AAK1: variants seen among roughly 807,000 people sequenced by gnomAD.
AAK1 encodes AP2 associated kinase 1.
Under a neutral mutation model 116.0 loss-of-function variants are expected in AAK1, and 37 were observed. The ratio of observed to expected loss-of-function variants is 0.32; its 90% confidence interval spans 0.25 to 0.42. AAK1 has a LOEUF of 0.42. Among genes scored for constraint, AAK1 ranks in the 10% least tolerant of loss-of-function variants. The pLI is 1.00. For synonymous variants in AAK1, 458 were observed against 439.9 expected (o/e 1.04, Z -0.51); for missense variants, 919 against 1,170.6 (o/e 0.79, Z 3.14).
intron 14 of AAK1, among the ~76,000 whole-genome samples, chr2:69,508,833 G>A (rs545234329): frequency 1.3e-5 from 2 of 152,176 alleles, no homozygotes; most frequent in Non-Finnish European, 2.9e-5. Context: ...AACACAACAG[G>A]CCCTGCTATG....
intron 2 of AAK1, among the ~76,000 whole-genome samples, chr2:69,613,093 G>A (rs921982058): frequency 3.3e-5 from 5 of 152,188 alleles, no homozygotes; most frequent in Non-Finnish European, 2.9e-5. Flanking sequence ...CTTTAAGACA[G>A]GCATCTTGTC....
In AAK1 at chr2:69,466,734, C is replaced by T; in HGVS notation, c.*9135G>A. 1 of 985,338 alleles carries T rather than the reference C, an allele frequency of 1.0e-6. No homozygotes were observed. The highest frequency in any genetic ancestry group is 1.2e-6 in the Non-Finnish European group (1 of 829,914). 61.0% of individuals were successfully genotyped at this position (985,338 alleles called of 1,614,324 possible). A position where few individuals can be genotyped will look rare whatever the true frequency, so the allele number is the denominator to read the frequency against. ...GCACACAAACTGGAACACAATCAACCACTGTCTCACGTTTTGGAACATGAT... is the reference window on the plus strand; with the variant it reads ...GCACACAAACTGGAACACAATCAACTACTGTCTCACGTTTTGGAACATGAT... On this transcript the variant is annotated 3_prime_UTR_variant, in exon 22 of 22. Transcript: ENST00000409085.
At chr2:69,527,139 C>T (rs1286475754) in intron 9 of AAK1, 77 bp downstream of exon 9, 2 of 1,035,988 alleles carry the variant, frequency 1.9e-6, no homozygotes, top group Admixed American at 2.0e-5. Flanking sequence ...TTCATTTAAA[C>T]AGCTGATTAA....
intron 21 of AAK1, 123 bp from the exon 22 acceptor site, chr2:69,476,086 C>G (rs901565041): frequency 1.4e-6 from 2 of 1,463,406 alleles, no homozygotes; most frequent in East Asian, 5.0e-5. Context: ...ACCAAAAAAA[C>G]CAAACCCTAG....
At chr2:69,538,644 G>A (rs1294939119) in intron 5 of AAK1, among the ~76,000 whole-genome samples, 1 of 152,224 alleles carries the variant, frequency 6.6e-6, no homozygotes, top group Non-Finnish European at 1.5e-5. Flanking sequence ...CACTTTGGGA[G>A]GCCAAGGCAG....
At chr2:69,623,271 G>C (rs1268115181) in intron 2 of AAK1, among the ~76,000 whole-genome samples, 3 of 152,096 alleles carry the variant, frequency 2.0e-5, no homozygotes, top group Non-Finnish European at 2.9e-5. Context: ...TCACTGCGAG[G>C]GTCCGCGGCT....
intron 3 of AAK1, among the ~76,000 whole-genome samples, chr2:69,551,275 T>C (rs1458908745): frequency 1.3e-5 from 2 of 152,080 alleles, no homozygotes; most frequent in African/African-American, 2.4e-5. Context: ...TCAGGAAGAA[T>C]AGCTAATGGA....
rs1193534312 is a variant in AAK1, at chr2:69,463,552, C to T, written c.*12317G>A. ...TTTATTTTTTAGACTCGCTCTGTCG[C>T]CCAGGCCAGAGTGCAGTGGCGCAAT... On this transcript the variant is annotated 3_prime_UTR_variant, in exon 22 of 22. Transcript: ENST00000409085. 1.3e-5 allele frequency: 2 copies of T among 152,166 alleles called. No individual in the cohort carries two copies. The highest frequency in any genetic ancestry group is 1.3e-4 in the Admixed American group (2 of 15,282). The allele number at this position is 152,166 out of a possible 1,614,324, so 9.4% of individuals were successfully genotyped here. A position where few individuals can be genotyped will look rare whatever the true frequency, so the allele number is the denominator to read the frequency against.
In AAK1 at chr2:69,466,065, A is replaced by G. The variant is rs1674475566; in HGVS notation, c.*9804T>C. ...CTTGGAGACAAATGGGGCTTTGGAG[A>G]AAATGTCCATGTCATCATTTGGAAC... On this transcript the variant is annotated 3_prime_UTR_variant, in exon 22 of 22. Coordinates refer to ENST00000409085, the MANE Select transcript of AAK1 (RefSeq NM_014911.5). The G allele has an allele frequency of 7.7e-7, 1 of 1,290,800 alleles. No homozygotes were observed. Among genetic ancestry groups the G allele is most frequent in the African/African-American group, 1.5e-5 (1 of 65,816 alleles). 80.0% of individuals were successfully genotyped at this position (1,290,800 alleles called of 1,614,324 possible).
chr2:69,640,485 G>A (rs901907173), intron 2 of AAK1, among the ~76,000 whole-genome samples: 1 of 151,946 alleles, frequency 6.6e-6, no homozygotes. Context: ...GCTACTGTAT[G>A]TGTGAATGTA....
chr2:69,553,280 T>C (rs1222657745), intron 3 of AAK1, among the ~76,000 whole-genome samples: 1 of 152,104 alleles, frequency 6.6e-6, no homozygotes, highest in African/African-American at 2.4e-5. Flanking sequence ...GACTAGGCAT[T>C]AGAATGACTT....
intron 13 of AAK1, among the ~76,000 whole-genome samples, chr2:69,512,804 A>G (rs539102691): frequency 6.6e-6 from 1 of 152,354 alleles, no homozygotes; most frequent in East Asian, 1.9e-4. Flanking sequence ...AAGGGAGTAG[A>G]CACTTTTGTG....
chr2:69,551,538 G>A (rs1671183287), intron 3 of AAK1, among the ~76,000 whole-genome samples: 1 of 152,168 alleles, frequency 6.6e-6, no homozygotes, highest in Non-Finnish European at 1.5e-5. Flanking sequence ...TCTCTTCGAA[G>A]CAAATCCTCA....
intron 9 of AAK1, among the ~76,000 whole-genome samples, chr2:69,525,668 T>C (rs1338488657): frequency 6.6e-6 from 1 of 151,796 alleles, no homozygotes; most frequent in Non-Finnish European, 1.5e-5. Flanking sequence ...CCAAGGAGAG[T>C]TCCTCTGGCT....
chr2:69,622,934 G>A (rs570925987), intron 2 of AAK1, among the ~76,000 whole-genome samples: 23 of 152,100 alleles, frequency 1.5e-4, no homozygotes, highest in African/African-American at 3.6e-4. Flanking sequence ...CAGACCAATC[G>A]GCTCTCTGTA....
In AAK1 at chr2:69,632,591, T is replaced by C. The variant is rs1039314415; in HGVS notation, c.163+10287A>G. Among the ~76,000 whole-genome samples the C allele has an allele frequency of 1.1e-4, 13 of 121,314 alleles. No homozygotes were observed. In the South Asian group the frequency reaches 1.5e-3, roughly 14 times the overall value. 79.6% of individuals were successfully genotyped at this position (121,314 alleles called of 152,430 possible). A position where few individuals can be genotyped will look rare whatever the true frequency, so the allele number is the denominator to read the frequency against. On this transcript the variant is annotated intron_variant, in intron 2 of 21. Transcript: ENST00000409085. ...TAGGCAAATCACCTAATTTTCAAAT[T>C]TGTTTTCTTAGAATCAATGAACTAG... is the stretch of plus-strand genomic sequence containing the variant.
intron 12 of AAK1, among the ~76,000 whole-genome samples, chr2:69,517,376 A>G (rs192810319): frequency 7.3e-4 from 111 of 152,298 alleles, no homozygotes; most frequent in Non-Finnish European, 1.3e-3. Context: ...AACTTGGCAA[A>G]TGATCAGTGA....
intron 2 of AAK1, among the ~76,000 whole-genome samples, chr2:69,567,647 A>C (rs1671933909): frequency 6.6e-6 from 1 of 152,208 alleles, no homozygotes; most frequent in Admixed American, 6.5e-5. Context: ...TCTAGTATGG[A>C]CTAGAAGGGA....
chr2:69,488,220 A>G (rs1675381060), intron 17 of AAK1, among the ~76,000 whole-genome samples: 1 of 151,440 alleles, frequency 6.6e-6, no homozygotes, highest in Non-Finnish European at 1.5e-5. Flanking sequence ...ATTGGGTACT[A>G]TGTTCAGTAC....
Sources: allele counts gnomAD v4.1 joint callset (sites outside exome capture counted in the v4.1 genomes callset), GRCh38; gene constraint gnomAD v4.1.1; transcripts MANE v1.5; gene names NCBI Gene and HGNC (gene_info 2026-07-23, HGNC 2026-07-21).